Variants in EDIL3 observed in about 807,000 individuals in gnomAD.
EDIL3 encodes the protein EGF-like repeat and discoidin I-like domain-containing protein 3.
In EDIL3, 37 loss-of-function variants were observed where a neutral mutation model predicts 67.4. The observed-to-expected ratio is 0.55, with a 90% CI of 0.42 to 0.72. The LOEUF (loss-of-function observed/expected upper bound fraction) is 0.72, where lower values mean the gene tolerates loss of function less well. EDIL3 is among the 30% of genes least tolerant of loss of function. The pLI, the probability that EDIL3 is intolerant of heterozygous loss-of-function variation, is 0.00. For synonymous variants in EDIL3, 195 were observed against 196.3 expected, an observed-to-expected ratio of 0.99 and a Z score of 0.05; for missense variants, 527 against 586.3, an observed-to-expected ratio of 0.90 and a Z score of 1.04.
At chr5:83,957,575 C>T (rs1346926136) in intron 10 of EDIL3, among the ~76,000 whole-genome samples, 1 of 151,616 alleles carries the variant, frequency 6.6e-6, no homozygotes, top group Non-Finnish European at 1.5e-5. Context: ...CCATGGCTGG[C>T]AGCTTTATTA....
intron 1 of EDIL3, among the ~76,000 whole-genome samples, chr5:84,343,306 C>T (rs1580089944): frequency 6.6e-6 from 1 of 151,798 alleles, no homozygotes; most frequent in East Asian, 1.9e-4. Flanking sequence ...GAGTTCAGTA[C>T]ATTTACAACT....
At chr5:84,273,568 G>A (rs1745516570) in intron 1 of EDIL3, among the ~76,000 whole-genome samples, 1 of 152,174 alleles carries the variant, frequency 6.6e-6, no homozygotes, top group Non-Finnish European at 1.5e-5. Context: ...CATAAAATAA[G>A]TGTTACTTAG....
At chr5:84,207,036 T>G (rs1333570054) in intron 3 of EDIL3, among the ~76,000 whole-genome samples, 1 of 152,142 alleles carries the variant, frequency 6.6e-6, no homozygotes. Context: ...GTGTTGGAAG[T>G]TCTGGCCAGG....
In EDIL3 at chr5:84,083,338, G is replaced by T. The variant is rs142946600; in HGVS notation, c.652-16732C>A. Reference sequence around the variant, plus strand: ...ATGAGAAGCAAAAGCCTGGAATTGGGAGTCCTGTACTGTCTTTAGGGTATG... The same window carrying T: ...ATGAGAAGCAAAAGCCTGGAATTGGTAGTCCTGTACTGTCTTTAGGGTATG... On this transcript the variant is annotated intron_variant, in intron 6 of 10. Coordinates refer to ENST00000296591, the MANE Select transcript of EDIL3 (RefSeq NM_005711.5). Among the ~76,000 whole-genome samples the T allele has an allele frequency of 2.7e-3, 413 of 152,212 alleles. 3 individuals carry two copies. Among genetic ancestry groups the T allele is most frequent in the African/African-American group, 8.9e-3 (369 of 41,522 alleles).
chr5:84,003,679 A>T lies in EDIL3; in HGVS notation c.1138-40319T>A, dbSNP rs1051639319. Among the ~76,000 whole-genome samples the T allele has an allele frequency of 3.9e-5, 6 of 152,282 alleles. No homozygotes were observed. The South Asian group carries it at 1.2e-3, about 32-fold the overall frequency. On this transcript the variant is annotated intron_variant, in intron 9 of 10. Transcript: ENST00000296591. The stretch of plus-strand genomic sequence containing the variant: ...TACAAGAAGTACTTAAGGGAGTGCT[A>T]AATATGATAACAAAAAACTGCTATT...
chr5:84,094,025 G>A (rs778193001), intron 6 of EDIL3, among the ~76,000 whole-genome samples: 2 of 152,066 alleles, frequency 1.3e-5, no homozygotes, highest in Non-Finnish European at 2.9e-5. Flanking sequence ...AAAGAATCTA[G>A]AGTTAAGATC....
intron 10 of EDIL3, among the ~76,000 whole-genome samples, chr5:83,959,806 T>G (rs1744575964): frequency 6.6e-6 from 1 of 150,950 alleles, no homozygotes; most frequent in Admixed American, 6.6e-5. Context: ...ATAAAATATC[T>G]AGTAGAACTA....
chr5:84,331,896 C>T (rs1161234925), intron 1 of EDIL3, among the ~76,000 whole-genome samples: 1 of 152,114 alleles, frequency 6.6e-6, no homozygotes, highest in African/African-American at 2.4e-5. Context: ...TATATGGTCC[C>T]AAGGAACTAC....
chr5:83,958,670 A>G (rs1322876461), intron 10 of EDIL3, among the ~76,000 whole-genome samples: 1 of 151,394 alleles, frequency 6.6e-6, no homozygotes, highest in Non-Finnish European at 1.5e-5. Flanking sequence ...ACCCATTTTT[A>G]TTTCTAATTT....
intron 10 of EDIL3, among the ~76,000 whole-genome samples, chr5:83,959,633 T>A (rs1486916999): frequency 6.6e-6 from 1 of 150,746 alleles, no homozygotes; most frequent in Admixed American, 6.6e-5. Context: ...TATTGAAGAC[T>A]TTTTTTTCCT....
In EDIL3 at chr5:83,943,345, A is replaced by G; in HGVS notation, c.*74T>C. 1 of 1,575,440 alleles carries G rather than the reference A, an allele frequency of 6.3e-7. No individual in the cohort carries two copies. The highest frequency in any genetic ancestry group is 8.6e-7 in the Non-Finnish European group (1 of 1,162,024). ...AAAAAAAAACCATTCAGTTTCCTAC[A>G]GATTTTGCACAGTTCATTCCATGGA... On this transcript the variant is annotated 3_prime_UTR_variant, in exon 11 of 11. Transcript: ENST00000296591.
chr5:84,274,790 C>G (rs1745541745), intron 1 of EDIL3, among the ~76,000 whole-genome samples: 1 of 97,754 alleles, frequency 1.0e-5, no homozygotes, highest in Admixed American at 1.1e-4. Context: ...TACAGACACA[C>G]ACAGACACAC....
intron 1 of EDIL3, among the ~76,000 whole-genome samples, chr5:84,354,186 A>C (rs947028231): frequency 6.6e-6 from 1 of 152,212 alleles, no homozygotes; most frequent in African/African-American, 2.4e-5. Flanking sequence ...ATTTGATTTC[A>C]CTGTGTAGAT....
At chr5:83,980,812 A>G (rs1425075848) in intron 9 of EDIL3, among the ~76,000 whole-genome samples, 1 of 151,260 alleles carries the variant, frequency 6.6e-6, no homozygotes, top group African/African-American at 2.4e-5. Context: ...AAACAAGATC[A>G]CTATATAAAA....
At chr5:84,061,312 A>T (rs1304678667) in intron 8 of EDIL3, among the ~76,000 whole-genome samples, 1 of 152,148 alleles carries the variant, frequency 6.6e-6, no homozygotes, top group African/African-American at 2.4e-5. Context: ...TCCTTGAAAA[A>T]TTATATGCAT....
At chr5:83,990,681 G>T (rs1159585339) in intron 9 of EDIL3, among the ~76,000 whole-genome samples, 1 of 151,794 alleles carries the variant, frequency 6.6e-6, no homozygotes, top group African/African-American at 2.4e-5. Context: ...AGGAGTTCGA[G>T]ACCAGCCTGC....
intron 1 of EDIL3, among the ~76,000 whole-genome samples, chr5:84,271,242 G>A (rs528396602): frequency 1.3e-5 from 2 of 151,886 alleles, no homozygotes; most frequent in African/African-American, 4.8e-5. Flanking sequence ...GGGAAACCCC[G>A]TCTCCACTAA....
chr5:83,987,879 A>G (rs1327030208), intron 9 of EDIL3, among the ~76,000 whole-genome samples: 1 of 149,120 alleles, frequency 6.7e-6, no homozygotes, highest in South Asian at 2.1e-4. Context: ...GTATATATAT[A>G]TATATATATA....
At chr5:84,229,748 C>T in intron 3 of EDIL3, 107 bp downstream of exon 3, 1 of 1,171,396 alleles carries the variant, frequency 8.5e-7, no homozygotes, top group Non-Finnish European at 1.2e-6. Flanking sequence ...CAAACCTGTG[C>T]CAATTTTCTG....
Sources: gnomAD v4.1 joint callset for allele counts (sites outside exome capture counted in the v4.1 genomes callset) on GRCh38, gnomAD v4.1.1 for gene constraint, MANE v1.5 for transcripts, NCBI Gene and HGNC (gene_info 2026-07-23, HGNC 2026-07-21) for gene names.